ROBO2: variants seen among roughly 807,000 people sequenced by gnomAD.
The protein encoded by ROBO2 is roundabout guidance receptor 2, also known as roundabout homolog 2.
ROBO2 carries 53 observed loss-of-function variants against 160.8 expected under a neutral mutation model. The observed-to-expected ratio is 0.33, with a 90% CI of 0.26 to 0.41. The LOEUF is 0.41. Ranked by LOEUF, ROBO2 falls within the 10% of genes least tolerant of loss-of-function variation. The probability of loss-of-function intolerance (pLI) is 1.00; values close to 1 mark genes in which losing one functional copy is unlikely to be tolerated. For synonymous variants in ROBO2, 664 were observed against 611.7 expected (o/e 1.09, Z -1.26); for missense variants, 1,577 against 1,722.4 (o/e 0.92, Z 1.49).
intron 2 of ROBO2, among the ~76,000 whole-genome samples, chr3:76,808,730 A>G (rs558225614): frequency 6.6e-6 from 1 of 152,250 alleles, no homozygotes; most frequent in East Asian, 1.9e-4. Context: ...CAGTAAATCA[A>G]TGACTGTGAT....
intron 2 of ROBO2, among the ~76,000 whole-genome samples, chr3:76,158,575 A>G (rs1229204356): frequency 6.6e-6 from 1 of 152,110 alleles, no homozygotes; most frequent in African/African-American, 2.4e-5. Context: ...TTTTGTATAC[A>G]TACTGAACAA....
intron 1 of ROBO2, among the ~76,000 whole-genome samples, chr3:77,050,848 A>T (rs2065160182): frequency 6.6e-6 from 1 of 150,462 alleles, no homozygotes; most frequent in African/African-American, 2.5e-5. Flanking sequence ...ATCTTTGCAA[A>T]AAAAAAGAAA....
intron 2 of ROBO2, among the ~76,000 whole-genome samples, chr3:76,334,277 A>G (rs1452553238): frequency 6.6e-6 from 1 of 151,954 alleles, no homozygotes; most frequent in African/African-American, 2.4e-5. Flanking sequence ...ACTAGTATTT[A>G]TGTGTTAGAG....
At chr3:77,539,109 G>C (rs2092332021) in intron 6 of ROBO2, among the ~76,000 whole-genome samples, 1 of 152,068 alleles carries the variant, frequency 6.6e-6, no homozygotes, top group Non-Finnish European at 1.5e-5. Flanking sequence ...TAGTGGAGAC[G>C]AGGTTTCACC....
chr3:76,897,382 TGGAA>T (rs1415598231), intron 2 of ROBO2, among the ~76,000 whole-genome samples: 1 of 152,110 alleles, frequency 6.6e-6, no homozygotes, highest in Non-Finnish European at 1.5e-5. Context: ...TTATGAGGCC[TGGAA>T]ATTCTATCCA....
intron 2 of ROBO2, among the ~76,000 whole-genome samples, chr3:76,798,259 GGAAAGAAAGAAAGAAAGAAAGAAA>G (rs71104619): frequency 1.1e-4 from 10 of 94,284 alleles, no homozygotes; most frequent in African/African-American, 2.9e-4. Context: ...AAAGAAAGAA[GGAAAGAAAGAAAGAAAGAAAGAAA>G]GAAAGAAAGA....
intron 16 of ROBO2, among the ~76,000 whole-genome samples, chr3:77,587,854 G>T (rs991586183): frequency 1.1e-4 from 16 of 152,104 alleles, no homozygotes; most frequent in Non-Finnish European, 1.0e-4. Context: ...ATTAACATTA[G>T]AAATCACTTA....
chr3:77,403,582 G>A (rs1581675757), intron 2 of ROBO2, among the ~76,000 whole-genome samples: 1 of 72,772 alleles, frequency 1.4e-5, no homozygotes, highest in Admixed American at 1.2e-4. Context: ...CAGTGTGTGT[G>A]TGTGTGTGTG....
intron 2 of ROBO2, among the ~76,000 whole-genome samples, chr3:76,981,030 C>T (rs969035845): frequency 2.0e-5 from 3 of 152,112 alleles, no homozygotes; most frequent in Admixed American, 6.6e-5. Flanking sequence ...CATTCGTTTT[C>T]GTCGCCTAAT....
At chr3:76,081,419 ATAT>A (rs770611589) in intron 2 of ROBO2, among the ~76,000 whole-genome samples, 173 of 152,268 alleles carry the variant, frequency 1.1e-3, no homozygotes, top group African/African-American at 2.6e-3. Flanking sequence ...GAAAAGAGTA[ATAT>A]TTGATAATAT....
At chr3:76,974,243 C>T (rs1219525755) in intron 2 of ROBO2, among the ~76,000 whole-genome samples, 1 of 152,164 alleles carries the variant, frequency 6.6e-6, no homozygotes, top group Admixed American at 6.5e-5. Context: ...AGCCTTGATA[C>T]ATATTACATT....
At chr3:76,721,308 A>G (rs1289212961) in intron 2 of ROBO2, among the ~76,000 whole-genome samples, 2 of 152,196 alleles carry the variant, frequency 1.3e-5, no homozygotes, top group African/African-American at 4.8e-5. Context: ...TGATAAGAGA[A>G]ATAAACACAT....
At chr3:77,157,830 A>G (rs2078145686) in intron 2 of ROBO2, among the ~76,000 whole-genome samples, 1 of 152,076 alleles carries the variant, frequency 6.6e-6, no homozygotes, top group African/African-American at 2.4e-5. Context: ...CCACTTAGAT[A>G]TTACATGTCA....
At chr3:77,282,116 G>T (rs765173190) in intron 2 of ROBO2, among the ~76,000 whole-genome samples, 2 of 151,572 alleles carry the variant, frequency 1.3e-5, no homozygotes, top group South Asian at 2.1e-4. Context: ...AGGAAAAAAT[G>T]TCTCTACATG....
chr3:76,825,027 T>C (rs2066441194), intron 2 of ROBO2, among the ~76,000 whole-genome samples: 1 of 152,208 alleles, frequency 6.6e-6, no homozygotes, highest in Non-Finnish European at 1.5e-5. Context: ...GGAGTGCTGG[T>C]AAACTTGCTG....
intron 2 of ROBO2, among the ~76,000 whole-genome samples, chr3:76,006,862 G>A (rs11128498): frequency 0.11 from 16,572 of 151,724 alleles, 1,147 homozygotes; most frequent in Non-Finnish European, 0.15. Flanking sequence ...ATATTTTAAT[G>A]GAAAATAAAA....
At chr3:76,423,280 C>G (rs1173443116) in intron 2 of ROBO2, among the ~76,000 whole-genome samples, 1 of 152,170 alleles carries the variant, frequency 6.6e-6, no homozygotes, top group African/African-American at 2.4e-5. Context: ...CCATAACTAG[C>G]TCAGGTGGAA....
At chr3:77,464,567 G>A (rs1442847103) in intron 2 of ROBO2, among the ~76,000 whole-genome samples, 1 of 152,152 alleles carries the variant, frequency 6.6e-6, no homozygotes, top group Non-Finnish European at 1.5e-5. Context: ...GGACTATTCA[G>A]CCTGAATTTC....
At chr3:76,921,383 A>G (rs1024753720) in intron 2 of ROBO2, among the ~76,000 whole-genome samples, 1 of 152,068 alleles carries the variant, frequency 6.6e-6, no homozygotes, top group Admixed American at 6.5e-5. Context: ...AGGAAGAGGC[A>G]GACGGATCGC....
Sources: allele counts gnomAD v4.1 joint callset (sites outside exome capture counted in the v4.1 genomes callset), GRCh38; gene constraint gnomAD v4.1.1; transcripts MANE v1.5; gene names NCBI Gene and HGNC (gene_info 2026-07-23, HGNC 2026-07-21).